Variants in ZNF428 observed in about 807,000 individuals in gnomAD.
ZNF428 encodes the protein zinc finger protein 428, also known as enzyme-like protein PIT13.
In ZNF428, 5 loss-of-function variants were observed where a neutral mutation model predicts 15.6. That is an observed-to-expected ratio of 0.32 (90% CI 0.17 to 0.67). The LOEUF (loss-of-function observed/expected upper bound fraction) is 0.67. ZNF428 is among the 30% of genes least tolerant of loss of function. The pLI is 0.73. For missense variants in ZNF428, 237 were observed against 256.0 expected, an observed-to-expected ratio of 0.93 and a Z score of 0.51; for synonymous variants, 97 against 102.2, an observed-to-expected ratio of 0.95 and a Z score of 0.31.
chr19:43,616,104 A>G (rs921874807), intron 1 of ZNF428, among the ~76,000 whole-genome samples: 4 of 152,238 alleles, frequency 2.6e-5, no homozygotes, highest in Non-Finnish European at 5.9e-5. Context: ...ACACAACATT[A>G]TAACAAGAGA....
intron 1 of ZNF428, among the ~76,000 whole-genome samples, chr19:43,617,834 T>TACC (rs780247218): frequency 2.6e-5 from 4 of 151,486 alleles, no homozygotes; most frequent in Non-Finnish European, 4.4e-5. Context: ...AGGCATGAGC[T>TACC]ACCACACCTG....
In ZNF428 at chr19:43,612,773, A is replaced by G; in HGVS notation, c.76+1456T>C. Reference sequence around the variant, plus strand: ...GCTGGCTGTAACTCCCAGTACAGCCAAGTGTCAAACCCCGACTGGAATTCC... The same window carrying G: ...GCTGGCTGTAACTCCCAGTACAGCCGAGTGTCAAACCCCGACTGGAATTCC... On this transcript the variant is annotated intron_variant, in intron 2 of 2. Coordinates refer to ENST00000300811, the MANE Select transcript of ZNF428 (RefSeq NM_182498.4). The surrounding 1 kb of genome is among the most constrained non-coding windows in gnomAD (Gnocchi z 4.2). 1 of 1,551,650 alleles carries G rather than the reference A, an allele frequency of 6.4e-7. No homozygotes were observed. The highest frequency in any genetic ancestry group is 2.4e-5 in the East Asian group (1 of 40,910).
In ZNF428 at chr19:43,614,224, C is replaced by T; in HGVS notation, c.76+5G>A. Reference sequence around the variant, plus strand: ...CCGACGCCACCACCTCTAAGGCCACCTTACCTGGGGAAAGGTCTTCATCAT... The same window carrying T: ...CCGACGCCACCACCTCTAAGGCCACTTTACCTGGGGAAAGGTCTTCATCAT... On this transcript the variant is annotated splice_donor_5th_base_variant and intron_variant, in intron 2 of 2. Coordinates refer to ENST00000300811, the MANE Select transcript of ZNF428 (RefSeq NM_182498.4). 6.2e-7 allele frequency: 1 copy of T among 1,614,212 alleles called. No homozygotes were observed. The highest frequency in any genetic ancestry group is 8.5e-7 in the Non-Finnish European group (1 of 1,180,042).
intron 1 of ZNF428, among the ~76,000 whole-genome samples, chr19:43,618,936 A>G (rs969192279): frequency 6.6e-6 from 1 of 151,986 alleles, no homozygotes; most frequent in Non-Finnish European, 1.5e-5. Flanking sequence ...AGTATTCCAG[A>G]CGTCAGGTAG....
At chr19:43,619,120 G>A (rs1437458022) in intron 1 of ZNF428, among the ~76,000 whole-genome samples, 3 of 152,174 alleles carry the variant, frequency 2.0e-5, no homozygotes, top group East Asian at 1.9e-4. Flanking sequence ...AGAGACCAGG[G>A]CAAAACCTTC....
intron 1 of ZNF428, 82 bp from the exon 2 acceptor site, chr19:43,614,516 C>T: frequency 4.5e-6 from 6 of 1,343,016 alleles, no homozygotes; most frequent in Non-Finnish European, 5.8e-6. Context: ...CAACTGTGTG[C>T]TCACTGCTGG....
rs1374173384 is a variant in ZNF428, at chr19:43,613,863, GCAGA to G, written c.76+362_76+365del. ...AGAAGCCCCAGCAAGGAGAGAGAGC[GCAGA>G]CAATCTAGAAGCTCCAGCGAGGAGA... On this transcript the variant is annotated intron_variant, in intron 2 of 2. Coordinates refer to ENST00000300811, the MANE Select transcript of ZNF428 (RefSeq NM_182498.4). 8.4e-6 allele frequency: 13 copies of G among 1,551,122 alleles called. No individual in the cohort carries two copies. The Admixed American group carries it at 9.8e-5, about 12-fold the overall frequency.
At chr19:43,608,141 T>A in intron 2 of ZNF428, 34 bp from the exon 3 acceptor site, 1 of 1,585,074 alleles carries the variant, frequency 6.3e-7, no homozygotes, top group South Asian at 1.2e-5. Context: ...GACAGTGGTA[T>A]CAGAGGAAAG....
chr19:43,613,643 C>T, intron 2 of ZNF428: 1 of 1,537,308 alleles, frequency 6.5e-7, no homozygotes, highest in African/African-American at 1.5e-5. Context: ...CAAGGAGAGA[C>T]AGTGCAGACA....
chr19:43,618,686 T>C (rs917726004), intron 1 of ZNF428, among the ~76,000 whole-genome samples: 5 of 150,374 alleles, frequency 3.3e-5, no homozygotes, highest in African/African-American at 9.8e-5. Flanking sequence ...TTGGTATCAC[T>C]GCAACTAGCC....
In ZNF428 at chr19:43,612,478, C is replaced by T; in HGVS notation, c.76+1751G>A. On this transcript the variant is annotated intron_variant, in intron 2 of 2. Coordinates refer to ENST00000300811, the MANE Select transcript of ZNF428 (RefSeq NM_182498.4). This position sits in a 1 kb window ranked among gnomAD's most constrained non-coding sequence, Gnocchi z 4.2. ...GCCACCAGCGGAGGGGCACACACAG[C>T]CGGGGTAGGACACCTGGCAGAAGGG... 6.5e-7 allele frequency: 1 copy of T among 1,545,732 alleles called. No homozygotes were observed. The highest frequency in any genetic ancestry group is 1.2e-5 in the South Asian group (1 of 83,876).
chr19:43,617,677 C>G (rs1452065218), intron 1 of ZNF428, among the ~76,000 whole-genome samples: 1 of 152,164 alleles, frequency 6.6e-6, no homozygotes, highest in African/African-American at 2.4e-5. Context: ...CAAATAAAAA[C>G]AGAAGACATC....
At chr19:43,613,297 A>C in intron 2 of ZNF428, 3 of 1,551,144 alleles carry the variant, frequency 1.9e-6, no homozygotes, top group Non-Finnish European at 1.7e-6. Flanking sequence ...GCAGTCAATC[A>C]GGAAGCCCCA....
In ZNF428 at chr19:43,612,562, T is replaced by C; in HGVS notation, c.76+1667A>G. 1.9e-6 allele frequency: 3 copies of C among 1,550,990 alleles called. No individual in the cohort carries two copies. The South Asian group carries it at 3.6e-5, about 18-fold the overall frequency. ...CCAGCACTCCTGGCAGGATAAGAAC[T>C]CATGGTGCCAGACCAGGCATGGCCA... On this transcript the variant is annotated intron_variant, in intron 2 of 2. Coordinates refer to ENST00000300811, the MANE Select transcript of ZNF428 (RefSeq NM_182498.4). The surrounding 1 kb of genome is among the most constrained non-coding windows in gnomAD (Gnocchi z 4.2).
intron 1 of ZNF428, among the ~76,000 whole-genome samples, chr19:43,619,041 G>A (rs1218378551): frequency 6.6e-6 from 1 of 152,100 alleles, no homozygotes; most frequent in African/African-American, 2.4e-5. Context: ...AATGCCCTGG[G>A]CCTATAGCAG....
At position 43,607,631 on chromosome 19, in the gene ZNF428, G is replaced by A. The variant is rs1365973063; in HGVS notation, c.553C>T (p.Arg185Trp). The change falls in exon 3 of 3, where the codon CGG (arginine) becomes TGG (tryptophan). Residue 185 changes from arginine (R) to tryptophan (W), a missense_variant. Arg to Trp is a moderately radical substitution (Grantham distance 101). Coordinates refer to ENST00000300811, the MANE Select transcript of ZNF428 (RefSeq NM_182498.4). This position sits in a 1 kb window ranked among gnomAD's most constrained non-coding sequence, Gnocchi z 5.1. ...GGGGGCTCTGCCTACACCTCACCCC[G>A]GGCATGCAGCATGAAGTGCCCGTGC... Reference protein sequence around the residue: ...ELHGHFMLHARGEV With the variant: ...ELHGHFMLHAWGEV 1.3e-6 allele frequency: 2 copies of A among 1,481,580 alleles called. No individual in the cohort carries two copies. Among genetic ancestry groups the A allele is most frequent in the South Asian group, 1.2e-5 (1 of 86,084 alleles). The allele number at this position is 1,481,580 out of a possible 1,614,324, so 91.8% of individuals were successfully genotyped here.
chr19:43,614,167 G>A (rs1438571174), intron 2 of ZNF428, 62 bp downstream of exon 2: 2 of 1,614,070 alleles, frequency 1.2e-6, no homozygotes, highest in South Asian at 1.1e-5. Flanking sequence ...TTCCCAGTGG[G>A]GGCCAAACCC....
intron 1 of ZNF428, among the ~76,000 whole-genome samples, chr19:43,616,952 C>T (rs1973377461): frequency 6.6e-6 from 1 of 151,740 alleles, no homozygotes; most frequent in African/African-American, 2.4e-5. Context: ...CACCACCATG[C>T]CCGGCTAATT....
At position 43,618,566 on chromosome 19, in the gene ZNF428, C is replaced by CTT. The variant is rs551668437; in HGVS notation, c.-131+990_-131+991dup. ...GCCACCATGCCAGGCTTAATTTTTA[C>CTT]TTTTTTTTTTTTTTTTTTTTTTTGT... On this transcript the variant is annotated intron_variant, in intron 1 of 2. Transcript: ENST00000300811. Among the ~76,000 whole-genome samples, 285 of 98,300 alleles carry CTT rather than the reference C, an allele frequency of 2.9e-3. 1 individual carries two copies. Among genetic ancestry groups the CTT allele is most frequent in the African/African-American group, 3.3e-3 (78 of 23,496 alleles). The allele number at this position is 98,300 out of a possible 152,430, so 64.5% of individuals were successfully genotyped here. A position where few individuals can be genotyped will look rare whatever the true frequency, so the allele number is the denominator to read the frequency against.
Sources: allele counts gnomAD v4.1 joint callset (sites outside exome capture counted in the v4.1 genomes callset), GRCh38; gene constraint gnomAD v4.1.1; non-coding constraint Gnocchi (gnomAD v3.1); transcripts MANE v1.5; gene names NCBI Gene and HGNC (gene_info 2026-07-23, HGNC 2026-07-21).